Variants in GLIS3 observed in about 807,000 individuals in gnomAD.
The protein encoded by GLIS3 is zinc finger protein GLIS3.
A neutral mutation model predicts 78.6 loss-of-function variants in GLIS3; 53 were observed. The ratio of observed to expected loss-of-function variants is 0.67; its 90% CI spans 0.54 to 0.85. The LOEUF is 0.85. Among genes scored for constraint, GLIS3 ranks in the 40% least tolerant of loss-of-function variants. The pLI is 0.00. For missense variants in GLIS3, 1,703 were observed against 1,231.1 expected, an observed-to-expected ratio of 1.38 and a Z score of -5.74; for synonymous variants, 684 against 509.9, an observed-to-expected ratio of 1.34 and a Z score of -4.60.
intron 2 of GLIS3, among the ~76,000 whole-genome samples, chr9:4,164,214 T>C (rs1481083422): frequency 6.6e-6 from 1 of 152,214 alleles, no homozygotes; most frequent in African/African-American, 2.4e-5. Flanking sequence ...TCCTTGCTCT[T>C]TTCTCTCTCA....
chr9:4,282,851 G>A (rs577503381), intron 2 of GLIS3, among the ~76,000 whole-genome samples: 15 of 152,046 alleles, frequency 9.9e-5, no homozygotes, highest in Admixed American at 5.2e-4. Context: ...TTCCATCAGC[G>A]TCCTCAAAAT....
chr9:4,062,970 A>C (rs1198026924), intron 4 of GLIS3, among the ~76,000 whole-genome samples: 2 of 152,122 alleles, frequency 1.3e-5, no homozygotes, highest in African/African-American at 4.8e-5. Context: ...CAGGAAGCAC[A>C]GTATGCAAAC....
chr9:4,355,795 A>G, the GLIS3 span, among the ~76,000 whole-genome samples: 1 of 152,176 alleles, frequency 6.6e-6, no homozygotes, highest in Non-Finnish European at 1.5e-5. Context: ...TTGCACCTAT[A>G]CAATGATGAA....
intron 2 of GLIS3, among the ~76,000 whole-genome samples, chr9:4,269,268 A>T (rs192457328): frequency 5.9e-5 from 9 of 152,140 alleles, no homozygotes; most frequent in Non-Finnish European, 1.0e-4. Flanking sequence ...TAAACCATAG[A>T]CATACCCCTC....
At chr9:4,053,723 A>AAAAAAAAAAAAAAAT (rs33993580) in intron 4 of GLIS3, among the ~76,000 whole-genome samples, 17 of 151,116 alleles carry the variant, frequency 1.1e-4, no homozygotes, top group African/African-American at 4.1e-4. Flanking sequence ...AAAAAAAAAA[A>AAAAAAAAAAAAAAAT]TTCTGGATAG....
At chr9:4,264,327 C>T (rs1825795427) in intron 2 of GLIS3, among the ~76,000 whole-genome samples, 1 of 152,170 alleles carries the variant, frequency 6.6e-6, no homozygotes, top group African/African-American at 2.4e-5. Context: ...GATGCTAGTC[C>T]CAGCGACCAT....
At chr9:4,397,163 C>T in the GLIS3 span, among the ~76,000 whole-genome samples, 2 of 139,668 alleles carry the variant, frequency 1.4e-5, no homozygotes, top group African/African-American at 2.9e-5. Context: ...GTAGCTGGGA[C>T]TACAGGTGCC....
At chr9:4,237,469 T>C (rs948469334) in intron 2 of GLIS3, among the ~76,000 whole-genome samples, 2 of 152,236 alleles carry the variant, frequency 1.3e-5, no homozygotes, top group Non-Finnish European at 1.5e-5. Context: ...ACATGAAAGA[T>C]AGATGAAATC....
the GLIS3 span, among the ~76,000 whole-genome samples, chr9:4,356,726 A>C: frequency 1.3e-5 from 2 of 152,226 alleles, no homozygotes; most frequent in Non-Finnish European, 2.9e-5. Flanking sequence ...TTAGAGCAAC[A>C]AAGATCATCA....
intron 4 of GLIS3, among the ~76,000 whole-genome samples, chr9:4,011,958 G>A (rs985710403): frequency 6.6e-6 from 1 of 152,120 alleles, no homozygotes; most frequent in Non-Finnish European, 1.5e-5. Flanking sequence ...TTTGGCATCA[G>A]AAGTCAGAAA....
chr9:4,182,336 G>A lies in GLIS3; in HGVS notation c.389-56395C>T, dbSNP rs142188895. On this transcript the variant is annotated intron_variant, in intron 2 of 10. Transcript: ENST00000381971. ...GTCCTCATCACTCTACAGTGGTGTC[G>A]TCCGTACTCCTTCAACACTCTTAAA... Among the ~76,000 whole-genome samples the A allele has an allele frequency of 3.4e-3, 513 of 152,188 alleles. 2 individuals carry two copies. Among genetic ancestry groups the A allele is most frequent in the African/African-American group, 0.012 (490 of 41,508 alleles).
chr9:4,056,005 GGACT>G (rs1293775023), intron 4 of GLIS3, among the ~76,000 whole-genome samples: 2 of 152,180 alleles, frequency 1.3e-5, no homozygotes, highest in East Asian at 3.8e-4. Flanking sequence ...GAATGGTGAA[GGACT>G]GATAGGATGA....
At chr9:3,922,974 T>C in intron 6 of GLIS3, among the ~76,000 whole-genome samples, 1 of 152,178 alleles carries the variant, frequency 6.6e-6, no homozygotes, top group East Asian at 1.9e-4. Context: ...ATTTCCTTTT[T>C]AGATACCATT....
At chr9:3,877,601 T>G (rs1185184393) in intron 8 of GLIS3, among the ~76,000 whole-genome samples, 1 of 152,220 alleles carries the variant, frequency 6.6e-6, no homozygotes, top group African/African-American at 2.4e-5. Flanking sequence ...TTTTTGTATT[T>G]TTCAGTTTCT....
At chr9:4,134,181 C>G (rs1833220393) in intron 2 of GLIS3, among the ~76,000 whole-genome samples, 1 of 152,142 alleles carries the variant, frequency 6.6e-6, no homozygotes, top group Non-Finnish European at 1.5e-5. Context: ...CTAGCAAGCA[C>G]AAATTCAACT....
At chr9:4,407,539 C>A in the GLIS3 span, among the ~76,000 whole-genome samples, 2 of 152,054 alleles carry the variant, frequency 1.3e-5, no homozygotes, top group African/African-American at 4.8e-5. Context: ...CCCAGCTACT[C>A]GGGAGGCTGA....
the GLIS3 span, among the ~76,000 whole-genome samples, chr9:4,445,496 T>C: frequency 1.3e-5 from 2 of 152,110 alleles, no homozygotes; most frequent in East Asian, 1.9e-4. Flanking sequence ...TAGCTAGGCA[T>C]GGTGGCACAT....
chr9:4,298,022 C>T lies in GLIS3; in HGVS notation c.-99+1399G>A, dbSNP rs959742986. Among the ~76,000 whole-genome samples, 5 of 152,294 alleles carry T rather than the reference C, an allele frequency of 3.3e-5. No homozygotes were observed. The East Asian group carries it at 9.7e-4, about 29-fold the overall frequency. On this transcript the variant is annotated intron_variant, in intron 1 of 10. Transcript: ENST00000381971. ...CCGTCACTCCCCCGCCGCCTCCGCC[C>T]CTAACCCTCGGCCCCGTGCGCGAGC...
intron 8 of GLIS3, among the ~76,000 whole-genome samples, chr9:3,858,063 T>C (rs1355248848): frequency 6.6e-6 from 1 of 152,208 alleles, no homozygotes; most frequent in African/African-American, 2.4e-5. Flanking sequence ...CCTATGGTAC[T>C]ATTTAACAGT....
Sources: gnomAD v4.1 joint callset for allele counts (sites outside exome capture counted in the v4.1 genomes callset) on GRCh38, gnomAD v4.1.1 for gene constraint, MANE v1.5 for transcripts, NCBI Gene and HGNC (gene_info 2026-07-23, HGNC 2026-07-21) for gene names.